The following LIPA variants were observed in gnomAD, a reference collection of about 807,000 sequenced individuals.
LIPA encodes the protein lipase A, lysosomal acid type.
In LIPA, 26 loss-of-function variants were observed where a neutral mutation model predicts 40.6. The ratio of observed to expected loss-of-function variants is 0.64; its 90% CI spans 0.47 to 0.89. The LOEUF is 0.89. Ranked by LOEUF, LIPA falls within the 40% of genes least tolerant of loss-of-function variation. The pLI, the probability that LIPA is intolerant of heterozygous loss-of-function variation, is 0.00. For missense variants in LIPA, 455 were observed against 479.6 expected, an observed-to-expected ratio of 0.95 and a Z score of 0.48; for synonymous variants, 188 against 168.4, an observed-to-expected ratio of 1.12 and a Z score of -0.90.
chr10:89,376,434 G>A (rs1844122247), intron 2 of LIPA, among the ~76,000 whole-genome samples: 2 of 152,170 alleles, frequency 1.3e-5, no homozygotes, highest in Admixed American at 1.3e-4. Context: ...GATCTTATGT[G>A]ACGTTCCTTT....
intron 2 of LIPA, among the ~76,000 whole-genome samples, chr10:89,361,668 C>G (rs1844022180): frequency 6.6e-6 from 1 of 152,210 alleles, no homozygotes; most frequent in South Asian, 2.1e-4. Context: ...TTCAAGCAGA[C>G]AAAATGCATT....
chr10:89,219,980 G>A (rs1462156461), intron 8 of LIPA, among the ~76,000 whole-genome samples: 1 of 152,230 alleles, frequency 6.6e-6, no homozygotes, highest in Non-Finnish European at 1.5e-5. Flanking sequence ...CCCTCACCCT[G>A]CAGCCTTTGA....
intron 1 of LIPA, chr10:89,293,489 T>G (rs1226978988): frequency 6.6e-6 from 1 of 152,192 alleles, no homozygotes; most frequent in Admixed American, 6.5e-5. Flanking sequence ...CTAATTTATT[T>G]ATTATTGTAT....
chr10:89,283,763 C>T (rs1326620603), intron 1 of LIPA: 1 of 152,208 alleles, frequency 6.6e-6, no homozygotes, highest in Non-Finnish European at 1.5e-5. Flanking sequence ...TAAAGGTATC[C>T]TTCATCAGCA....
chr10:89,359,139 C>T (rs575150374), intron 2 of LIPA, among the ~76,000 whole-genome samples: 6 of 152,262 alleles, frequency 3.9e-5, no homozygotes, highest in Admixed American at 1.3e-4. Flanking sequence ...CCAACCCGTC[C>T]GTGATCTTGG....
intron 1 of LIPA, among the ~76,000 whole-genome samples, chr10:89,313,344 C>A (rs888850311): frequency 6.6e-6 from 1 of 152,164 alleles, no homozygotes; most frequent in Non-Finnish European, 1.5e-5. Flanking sequence ...AAGATCATAC[C>A]AGCACATTTT....
At chr10:89,348,493 G>A (rs898944203) in intron 2 of LIPA, among the ~76,000 whole-genome samples, 1 of 152,218 alleles carries the variant, frequency 6.6e-6, no homozygotes, top group Non-Finnish European at 1.5e-5. Flanking sequence ...CACATTGTCT[G>A]CTACTGAACA....
intron 1 of LIPA, among the ~76,000 whole-genome samples, chr10:89,270,916 G>A (rs1843262793): frequency 6.6e-6 from 1 of 152,162 alleles, no homozygotes; most frequent in African/African-American, 2.4e-5. Context: ...GCTTACTTTG[G>A]GGCTCTAGTA....
chr10:89,392,510 C>T, intron 2 of LIPA: 4 of 149,422 alleles, frequency 2.7e-5, no homozygotes, highest in Non-Finnish European at 5.4e-5. Context: ...GCTTTAGTTT[C>T]ACTTTCCCCT....
rs935752260 is a variant in LIPA at position 89,410,053 on chromosome 10, C to T, written c.61+2738G>A. On this transcript the variant is annotated intron_variant, in intron 2 of 8. Coordinates refer to the LIPA transcript ENST00000371837. ...GCAGAAATAGCTCCTGGGGTCCTTACTCAGACTCGTGGGACAACCCCATGA... is the reference window on the plus strand; with the variant it reads ...GCAGAAATAGCTCCTGGGGTCCTTATTCAGACTCGTGGGACAACCCCATGA... Among the ~76,000 whole-genome samples the T allele has an allele frequency of 8.3e-4, 126 of 152,184 alleles. 1 individual carries two copies. Among genetic ancestry groups the T allele is most frequent in the Middle Eastern group, 3.2e-3 (1 of 316 alleles).
intron 1 of LIPA, chr10:89,314,539 G>C (rs1016813373): frequency 6.6e-6 from 1 of 152,210 alleles, no homozygotes; most frequent in African/African-American, 2.4e-5. Flanking sequence ...ATGGTGGTGG[G>C]TACCTGCAGT....
rs1451657341 is a variant in LIPA, at chr10:89,328,652, CT to C, written c.-2+13958del. Among the ~76,000 whole-genome samples, 9 of 152,298 alleles carry C rather than the reference CT, an allele frequency of 5.9e-5. No individual in the cohort carries two copies. The South Asian group carries it at 1.4e-3, about 25-fold the overall frequency. Reference sequence around the variant, plus strand: ...AAGGTGGGAAGTGGAAGAAACAATTCTTACAAATGGGCATTTTTGTCATTTC... The same window carrying C: ...AAGGTGGGAAGTGGAAGAAACAATTCTACAAATGGGCATTTTTGTCATTTC... On this transcript the variant is annotated intron_variant, in intron 1 of 5. Transcript: ENST00000282673.
intron 1 of LIPA, among the ~76,000 whole-genome samples, chr10:89,287,050 A>G (rs1397766954): frequency 6.6e-6 from 1 of 152,064 alleles, no homozygotes; most frequent in Non-Finnish European, 1.5e-5. Context: ...TCTGTGTGGG[A>G]CCCCACTGAA....
intron 2 of LIPA, chr10:89,377,928 A>C (rs1844134227): frequency 1.9e-6 from 1 of 531,050 alleles, no homozygotes. Flanking sequence ...TGTATTTGTA[A>C]TCAAAGCAGA....
At chr10:89,328,813 G>A (rs1483283522) in intron 1 of LIPA, among the ~76,000 whole-genome samples, 2 of 152,118 alleles carry the variant, frequency 1.3e-5, no homozygotes, top group Non-Finnish European at 2.9e-5. Flanking sequence ...AATCTCTAAT[G>A]GTGGGAAGCA....
intron 1 of LIPA, chr10:89,338,533 C>A: frequency 1.2e-6 from 1 of 866,738 alleles, no homozygotes; most frequent in Non-Finnish European, 1.8e-6. Context: ...CATACATACC[C>A]AGAAATAATG....
chr10:89,365,394 G>T, intron 2 of LIPA, among the ~76,000 whole-genome samples: 1 of 152,202 alleles, frequency 6.6e-6, no homozygotes, highest in East Asian at 1.9e-4. Flanking sequence ...CTCCCATTCT[G>T]TAGGTTGCCT....
intron 1 of LIPA, among the ~76,000 whole-genome samples, chr10:89,319,631 G>A (rs1240482696): frequency 6.6e-6 from 1 of 152,114 alleles, no homozygotes; most frequent in Non-Finnish European, 1.5e-5. Context: ...TCTACCAGAG[G>A]TACAAAGACG....
chr10:89,350,738 G>A (rs919574121), intron 2 of LIPA, among the ~76,000 whole-genome samples: 7 of 152,172 alleles, frequency 4.6e-5, no homozygotes, highest in African/African-American at 1.7e-4. Flanking sequence ...ACTTTTTAAG[G>A]AAAAGCATGT....
Sources: gnomAD v4.1 joint callset for allele counts (sites outside exome capture counted in the v4.1 genomes callset) on GRCh38, gnomAD v4.1.1 for gene constraint, MANE v1.5 for transcripts, NCBI Gene and HGNC (gene_info 2026-07-23, HGNC 2026-07-21) for gene names.